FYB1: variants seen among roughly 807,000 people sequenced by gnomAD.
FYB1 encodes the protein FYN-binding protein 1.
FYB1 carries 41 observed loss-of-function variants against 94.1 expected under a neutral mutation model. That is an observed-to-expected ratio of 0.44 (90% CI 0.34 to 0.57). FYB1 has a LOEUF of 0.57. Ranked by LOEUF, FYB1 falls within the 20% of genes least tolerant of loss-of-function variation. The pLI is 0.02. For synonymous variants in FYB1, 367 were observed against 353.2 expected, an observed-to-expected ratio of 1.04 and a Z score of -0.44; for missense variants, 1,050 against 976.8, an observed-to-expected ratio of 1.07 and a Z score of -1.00.
intron 1 of FYB1, among the ~76,000 whole-genome samples, chr5:39,263,939 A>G (rs901880185): frequency 1.3e-5 from 2 of 152,160 alleles, no homozygotes; most frequent in African/African-American, 4.8e-5. Context: ...GGTGAACAGT[A>G]TGATCAAATT....
upstream of FYB1, among the ~76,000 whole-genome samples, chr5:39,223,902 G>T (rs991134158): frequency 7.9e-5 from 12 of 151,946 alleles, no homozygotes; most frequent in African/African-American, 2.7e-4. Context: ...ATTTTCTACT[G>T]TCCCTATCTC....
At chr5:39,261,007 G>A (rs897649506) in intron 1 of FYB1, among the ~76,000 whole-genome samples, 1 of 152,066 alleles carries the variant, frequency 6.6e-6, no homozygotes, top group Non-Finnish European at 1.5e-5. Flanking sequence ...TTAAGATCCT[G>A]GTTGTGTTTG....
In FYB1 at chr5:39,213,679, G is replaced by A. The variant is rs147603170; in HGVS notation, c.-28+5764C>T. ...TAGTCTCTGTGTGTGTGTTGGTGTG[G>A]GGGTGAGGTGTTTAGGTAGATGACT... On this transcript the variant is annotated intron_variant, in intron 1 of 18. Transcript: ENST00000512982. 1.6e-3 allele frequency among the ~76,000 whole-genome samples: 244 copies of A among 152,158 alleles called. 1 individual carries two copies. The highest frequency in any genetic ancestry group is 5.3e-3 in the African/African-American group (221 of 41,534).
chr5:39,192,571 G>T (rs1747456728), intron 2 of FYB1, among the ~76,000 whole-genome samples: 1 of 152,210 alleles, frequency 6.6e-6, no homozygotes, highest in South Asian at 2.1e-4. Context: ...CCTCTTGATT[G>T]CAGGAAGAGT....
In FYB1 at chr5:39,202,060, G is replaced by C; in HGVS notation, c.901C>G (p.Gln301Glu). The change falls in exon 2 of 19, where the codon CAG becomes GAG. Residue 301 changes from glutamine (Q) to glutamate (E), a missense_variant. By Grantham distance (29) the Gln-to-Glu change is conservative. Transcript: ENST00000512982. The stretch of plus-strand genomic sequence containing the variant: ...GGAGTCCCTGAGGCCAACTCTTCCT[G>C]ATTTATTTTGCTCTGGAAGGTGTTC... ...AKNTFQSKINQEELASGTPPA... is the reference protein window; with the variant it reads ...AKNTFQSKINEEELASGTPPA... 1 of 1,614,010 alleles carries C rather than the reference G, an allele frequency of 6.2e-7. No individual in the cohort carries two copies. Among genetic ancestry groups the C allele is most frequent in the Non-Finnish European group, 8.5e-7 (1 of 1,179,884 alleles).
In FYB1 at chr5:39,111,273, T is replaced by C. The variant is rs144633350; in HGVS notation, c.2402-884A>G. On this transcript the variant is annotated intron_variant, in intron 16 of 18. Transcript: ENST00000512982. ...AAATCTGTTGTATGCTTGAGATTAG[T>C]ACCATTTATTGCTTCCTCAATACAA... 5.4e-3 allele frequency among the ~76,000 whole-genome samples: 823 copies of C among 152,148 alleles called. 9 individuals are homozygous for C. Among genetic ancestry groups the C allele is most frequent in the African/African-American group, 0.019 (789 of 41,562 alleles).
chr5:39,261,821 A>C (rs1026294739), intron 1 of FYB1, among the ~76,000 whole-genome samples: 1 of 152,220 alleles, frequency 6.6e-6, no homozygotes, highest in Admixed American at 6.5e-5. Context: ...AGTGTAACAG[A>C]GTTGGAAGCC....
intron 1 of FYB1, among the ~76,000 whole-genome samples, chr5:39,259,184 T>G (rs1752110500): frequency 6.6e-6 from 1 of 152,186 alleles, no homozygotes; most frequent in African/African-American, 2.4e-5. Context: ...GAGATGCTAC[T>G]AAACATCTAA....
At chr5:39,245,743 T>G (rs553805020) in intron 1 of FYB1, among the ~76,000 whole-genome samples, 1 of 151,898 alleles carries the variant, frequency 6.6e-6, no homozygotes, top group East Asian at 1.9e-4. Flanking sequence ...GGATTACAGG[T>G]GCCCGCCACT....
intron 1 of FYB1, among the ~76,000 whole-genome samples, chr5:39,237,813 T>C (rs368104563): frequency 1.6e-4 from 25 of 152,198 alleles, no homozygotes; most frequent in South Asian, 1.0e-3. Flanking sequence ...TTCTTAGAGA[T>C]AGAGATTATC....
At chr5:39,168,890 C>T (rs1441589326) in intron 2 of FYB1, among the ~76,000 whole-genome samples, 1 of 152,012 alleles carries the variant, frequency 6.6e-6, no homozygotes, top group Non-Finnish European at 1.5e-5. Context: ...AACCCATTAT[C>T]AATGTCACCT....
chr5:39,220,983 C>T (rs913030235), upstream of FYB1, among the ~76,000 whole-genome samples: 1 of 152,190 alleles, frequency 6.6e-6, no homozygotes, highest in Non-Finnish European at 1.5e-5. Flanking sequence ...TATTTACTAT[C>T]TAGTCCTCTG....
chr5:39,270,876 T>G (rs1752645176), intron 1 of FYB1: 1 of 356,112 alleles, frequency 2.8e-6, no homozygotes, highest in Non-Finnish European at 5.1e-6. Flanking sequence ...ATATTAAATT[T>G]TGCTATACAT....
At chr5:39,129,980 C>A (rs770390361) in intron 10 of FYB1, among the ~76,000 whole-genome samples, 1 of 151,822 alleles carries the variant, frequency 6.6e-6, no homozygotes, top group African/African-American at 2.4e-5. Flanking sequence ...CAGCACTATT[C>A]ACAGTAGCAA....
intron 2 of FYB1, among the ~76,000 whole-genome samples, chr5:39,177,437 G>A (rs1315488281): frequency 6.6e-6 from 1 of 152,146 alleles, no homozygotes; most frequent in Non-Finnish European, 1.5e-5. Flanking sequence ...TGAGAAGGTG[G>A]TCAAAGAAGT....
At chr5:39,237,477 A>G (rs867664303) in intron 1 of FYB1, among the ~76,000 whole-genome samples, 2 of 152,116 alleles carry the variant, frequency 1.3e-5, no homozygotes, top group Non-Finnish European at 1.5e-5. Context: ...TCATCAAGCA[A>G]CTACTTCCCA....
chr5:39,165,826 G>T (rs908837955), intron 2 of FYB1, among the ~76,000 whole-genome samples: 5 of 152,138 alleles, frequency 3.3e-5, no homozygotes, highest in Admixed American at 2.0e-4. Flanking sequence ...ACATTGAACA[G>T]ATATTTTTCA....
At chr5:39,265,862 T>C (rs1003598229) in intron 1 of FYB1, among the ~76,000 whole-genome samples, 1 of 152,118 alleles carries the variant, frequency 6.6e-6, no homozygotes, top group Non-Finnish European at 1.5e-5. Flanking sequence ...ATAACCTTTG[T>C]TGAATGAATG....
intron 3 of FYB1, among the ~76,000 whole-genome samples, chr5:39,152,870 G>C (rs907644617): frequency 6.6e-6 from 1 of 152,194 alleles, no homozygotes; most frequent in African/African-American, 2.4e-5. Flanking sequence ...TAGCATAGTA[G>C]TTTAAAGCAC....
Sources: allele counts gnomAD v4.1 joint callset (sites outside exome capture counted in the v4.1 genomes callset), GRCh38; gene constraint gnomAD v4.1.1; transcripts MANE v1.5; gene names NCBI Gene and HGNC (gene_info 2026-07-23, HGNC 2026-07-21).